Variants in PIK3C3 observed in about 807,000 individuals in gnomAD.
PIK3C3 encodes the protein PI3-kinase type 3.
A neutral mutation model predicts 126.1 loss-of-function variants in PIK3C3; 95 were observed. The ratio of observed to expected loss-of-function variants is 0.75; its 90% CI spans 0.64 to 0.89. The LOEUF (loss-of-function observed/expected upper bound fraction) is 0.89, where lower values mean the gene tolerates loss of function less well. Among genes scored for constraint, PIK3C3 ranks in the 40% least tolerant of loss-of-function variants. The probability of loss-of-function intolerance (pLI) is 0.00; values close to 1 mark genes in which losing one functional copy is unlikely to be tolerated. For synonymous variants in PIK3C3, 374 were observed against 360.0 expected, an observed-to-expected ratio of 1.04 and a Z score of -0.44; for missense variants, 829 against 1,063.2, an observed-to-expected ratio of 0.78 and a Z score of 3.06.
intron 12 of PIK3C3, among the ~76,000 whole-genome samples, chr18:42,020,105 T>A (rs1015799974): frequency 2.6e-5 from 4 of 152,134 alleles, no homozygotes; most frequent in African/African-American, 4.8e-5. Flanking sequence ...TCACATCATC[T>A]CACTCTCCTC....
chr18:42,051,604 C>A (rs373770571), intron 21 of PIK3C3, among the ~76,000 whole-genome samples: 1 of 152,114 alleles, frequency 6.6e-6, no homozygotes, highest in East Asian at 1.9e-4. Context: ...GCCAGTCAAT[C>A]TCCTTAATAA....
At chr18:41,980,542 C>CT (rs1300003762) in intron 4 of PIK3C3, among the ~76,000 whole-genome samples, 2 of 151,886 alleles carry the variant, frequency 1.3e-5, no homozygotes, top group Admixed American at 6.6e-5. Context: ...ATTACATTTA[C>CT]TTTTTACCCA....
chr18:42,080,781 A>G (rs1041445922), intron 24 of PIK3C3, among the ~76,000 whole-genome samples: 2 of 152,198 alleles, frequency 1.3e-5, no homozygotes, highest in Admixed American at 6.5e-5. Flanking sequence ...ACACTACTCA[A>G]AATCACTTTA....
chr18:42,076,118 A>ATATATG (rs1985983549), intron 24 of PIK3C3, among the ~76,000 whole-genome samples: 1 of 66,678 alleles, frequency 1.5e-5, no homozygotes, highest in Non-Finnish European at 2.9e-5. Context: ...ATATATATAT[A>ATATATG]TATGCGCATA....
Position 42,037,712 on chromosome 18 carries a change from G to C in PIK3C3, c.1860G>C (p.Gln620His), listed in dbSNP as rs762833043. 4.3e-6 allele frequency: 7 copies of C among 1,612,072 alleles called. No homozygotes were observed. The South Asian group carries it at 7.7e-5, about 18-fold the overall frequency. Residue 620 changes from glutamine (Q) to histidine (H), a missense_variant, in exon 17 of 25, where the codon CAG (glutamine) becomes CAC (histidine). Transcript: ENST00000262039. ...TCCAGAGTGCCCTTATGCCTGCACA[G>C]TTGTTTTTTAAGACGGAAGATGGAG... Reference protein sequence around the residue: ...TLFKSALMPAQLFFKTEDGGK... With the variant: ...TLFKSALMPAHLFFKTEDGGK...
rs533400052 is a variant in PIK3C3, at chr18:42,058,069, G to A, written c.2432+18G>A. 2.4e-4 allele frequency: 369 copies of A among 1,544,148 alleles called. 4 individuals carry two copies. The South Asian group carries it at 4.3e-3, about 18-fold the overall frequency. ...CTGCGAAGGTAAGTTGATTTGCTTG[G>A]CACAGAGAATTTGGGTAAATTTATT... On this transcript the variant is annotated intron_variant, in intron 22 of 24. Transcript: ENST00000262039.
chr18:42,056,090 AATTTC>A (rs965435837), intron 21 of PIK3C3, among the ~76,000 whole-genome samples: 1 of 151,938 alleles, frequency 6.6e-6, no homozygotes, highest in Non-Finnish European at 1.5e-5. Context: ...ATTTTTTTTA[AATTTC>A]ATTATGTGTA....
intron 6 of PIK3C3, among the ~76,000 whole-genome samples, chr18:41,992,795 A>C (rs1981841730): frequency 1.3e-5 from 2 of 152,118 alleles, no homozygotes. Flanking sequence ...TTAACCCTAC[A>C]CTTAAAATTC....
intron 9 of PIK3C3, among the ~76,000 whole-genome samples, chr18:41,996,994 G>A (rs1207886637): frequency 2.6e-5 from 4 of 152,054 alleles, no homozygotes; most frequent in African/African-American, 9.7e-5. Context: ...TACATTTTAC[G>A]TTTGTTTGGT....
chr18:42,078,116 G>A (rs913370205), intron 24 of PIK3C3, among the ~76,000 whole-genome samples: 5 of 151,986 alleles, frequency 3.3e-5, no homozygotes, highest in Non-Finnish European at 7.4e-5. Flanking sequence ...GGTGGCTCAC[G>A]CCTGTAATCC....
At chr18:42,014,176 C>A (rs1006829111) in intron 11 of PIK3C3, among the ~76,000 whole-genome samples, 1 of 142,518 alleles carries the variant, frequency 7.0e-6, no homozygotes, top group Non-Finnish European at 1.5e-5. Context: ...CCAGTGCGCT[C>A]CAGCCTGGGC....
At chr18:42,042,420 T>G (rs932057883) in intron 19 of PIK3C3, among the ~76,000 whole-genome samples, 1 of 152,150 alleles carries the variant, frequency 6.6e-6, no homozygotes, top group Non-Finnish European at 1.5e-5. Context: ...CTGTAAGACC[T>G]TCTAGCAAGT....
chr18:42,025,895 G>A (rs183379031), intron 13 of PIK3C3: 1 of 152,268 alleles, frequency 6.6e-6, no homozygotes, highest in East Asian at 1.9e-4. Context: ...CATCTATTAT[G>A]AGCTAGACAT....
chr18:42,004,442 G>C lies in PIK3C3; in HGVS notation c.1071G>C (p.Pro357=), dbSNP rs1329484920. The C allele has an allele frequency of 6.2e-7, 1 of 1,613,714 alleles. No individual in the cohort carries two copies. The highest frequency in any genetic ancestry group is 1.7e-5 in the Admixed American group (1 of 60,006). ...TGGAACTTCTGGGAAAATGGAAGCC[G>C]ATGGATGTAGAGGACTCCTTGGAGC... The part of the protein sequence containing the change: ...QALELLGKWK[P]MDVEDSLELL... Residue 357 remains proline, a synonymous_variant, in exon 10 of 25, where the codon CCG becomes CCC. Transcript: ENST00000262039.
chr18:42,017,142 C>T (rs1306773237), intron 12 of PIK3C3, among the ~76,000 whole-genome samples: 7 of 152,098 alleles, frequency 4.6e-5, no homozygotes, highest in Admixed American at 3.3e-4. Flanking sequence ...CTATCCCTTC[C>T]CCTATTCCCA....
At position 42,058,014 on chromosome 18, in the gene PIK3C3, C is replaced by T. The variant is rs1406322792; in HGVS notation, c.2395C>T (p.Arg799Cys). Reference sequence around the variant, plus strand: ...ACAGAGTGAGCAGTACCAAGAGTTCCGTAAACAGTGTTACACGGCTTTCCT... The same window carrying T: ...ACAGAGTGAGCAGTACCAAGAGTTCTGTAAACAGTGTTACACGGCTTTCCT... ...GTQSEQYQEF[R>C]KQCYTAFLHL... Residue 799 changes from arginine (R) to cysteine (C), a missense_variant, in exon 22 of 25, where the codon CGT becomes TGT. Arg to Cys is a radical substitution (Grantham distance 180). Transcript: ENST00000262039. The T allele has an allele frequency of 6.2e-6, 10 of 1,610,562 alleles. No homozygotes were observed. Among genetic ancestry groups the T allele is most frequent in the Non-Finnish European group, 8.5e-6 (10 of 1,178,718 alleles).
At chr18:42,011,185 A>G (rs1269297832) in intron 10 of PIK3C3, among the ~76,000 whole-genome samples, 3 of 152,230 alleles carry the variant, frequency 2.0e-5, no homozygotes. Flanking sequence ...TGAAATGACG[A>G]ATGAGCAGTG....
At chr18:42,057,538 T>C in intron 21 of PIK3C3, 1 of 191,110 alleles carries the variant, frequency 5.2e-6, no homozygotes. Context: ...GCACAAAAAA[T>C]TTTCTACAAG....
intron 21 of PIK3C3, among the ~76,000 whole-genome samples, chr18:42,057,104 G>T (rs500086): frequency 6.9e-6 from 1 of 145,072 alleles, no homozygotes; most frequent in African/African-American, 2.5e-5. Flanking sequence ...TATGTACAAC[G>T]TGAAACCTCA....
Sources: gnomAD v4.1 joint callset for allele counts (sites outside exome capture counted in the v4.1 genomes callset) on GRCh38, gnomAD v4.1.1 for gene constraint, MANE v1.5 for transcripts, NCBI Gene and HGNC (gene_info 2026-07-23, HGNC 2026-07-21) for gene names.